The following CNKSR2 variants were observed in gnomAD, a reference collection of about 807,000 sequenced individuals.
The protein encoded by CNKSR2 is CNK homolog protein 2.
Under a neutral mutation model 84.4 loss-of-function variants are expected in CNKSR2, and 14 were observed. That is an observed-to-expected ratio of 0.17 (90% CI 0.11 to 0.26). The LOEUF (loss-of-function observed/expected upper bound fraction) is 0.26, where lower values mean the gene tolerates loss of function less well. Ranked by LOEUF, CNKSR2 falls within the 10% of genes least tolerant of loss-of-function variation. CNKSR2 has a pLI of 1.00. For missense variants in CNKSR2, 485 were observed against 771.2 expected (o/e 0.63, Z 4.40); for synonymous variants, 275 against 277.9 (o/e 0.99, Z 0.10).
At chrX:21,451,064 G>A (rs1187670474) in intron 4 of CNKSR2, among the ~76,000 whole-genome samples, 1 of 111,826 alleles carries the variant, frequency 8.9e-6, no homozygotes, top group Admixed American at 9.5e-5. Context: ...GGCTTTATGA[G>A]TTGCATTTTT....
At chrX:21,526,642 T>TTA (rs1334607165) in intron 9 of CNKSR2, among the ~76,000 whole-genome samples, 2 of 111,210 alleles carry the variant, frequency 1.8e-5, no homozygotes, top group Admixed American at 1.9e-4. Context: ...TTAAGGTGAG[T>TTA]TGGGAGTGAA....
Position 21,505,837 on chromosome X carries a change from A to G in CNKSR2, c.810+4249A>G, listed in dbSNP as rs1042643269. On this transcript the variant is annotated intron_variant, in intron 8 of 21. Transcript: ENST00000379510. Reference sequence around the variant, plus strand: ...GTCATTGAGTGGAATCAATACCATGATATTGTCTAACAGCAGATGTACTTT... The same window carrying G: ...GTCATTGAGTGGAATCAATACCATGGTATTGTCTAACAGCAGATGTACTTT... The G allele has an allele frequency of 4.5e-5, 5 of 111,479 alleles. No homozygotes were observed. In the Admixed American group the frequency reaches 4.8e-4, roughly 11 times the overall value. 9.2% of individuals were successfully genotyped at this position (111,479 alleles called of 1,213,427 possible). A position where few individuals can be genotyped will look rare whatever the true frequency, so the allele number is the denominator to read the frequency against.
At chrX:21,446,703 G>A (rs767231246) in intron 4 of CNKSR2, among the ~76,000 whole-genome samples, 2 of 110,990 alleles carry the variant, frequency 1.8e-5, no homozygotes, top group Non-Finnish European at 1.9e-5. Flanking sequence ...CTGCCAAAGC[G>A]CTTTTAAAGA....
chrX:21,624,484 T>C (rs1480143146), intron 20 of CNKSR2, among the ~76,000 whole-genome samples: 2 of 112,037 alleles, frequency 1.8e-5, no homozygotes, highest in South Asian at 3.7e-4. Flanking sequence ...TAAAAAGAAA[T>C]AGGCTACCTC....
intron 1 of CNKSR2, among the ~76,000 whole-genome samples, chrX:21,410,131 T>C (rs2090324353): frequency 9.1e-6 from 1 of 109,659 alleles, no homozygotes; most frequent in African/African-American, 3.3e-5. Flanking sequence ...TCAAGTCTCT[T>C]TTTGCCTTTG....
chrX:21,577,107 A>G (rs990219088), intron 13 of CNKSR2, among the ~76,000 whole-genome samples: 2 of 111,956 alleles, frequency 1.8e-5, no homozygotes, highest in African/African-American at 6.5e-5. Flanking sequence ...AGAAATTTTT[A>G]TTTCCTCAAT....
At chrX:21,506,111 G>A (rs182373212) in intron 8 of CNKSR2, 1 of 111,160 alleles carries the variant, frequency 9.0e-6, no homozygotes, top group African/African-American at 3.3e-5. Flanking sequence ...AGTGTTTCTG[G>A]TGTACCCCAC....
chrX:21,633,149 G>A (rs2092655690), intron 20 of CNKSR2, among the ~76,000 whole-genome samples: 1 of 110,934 alleles, frequency 9.0e-6, no homozygotes, highest in East Asian at 2.8e-4. Context: ...CCGGAAAATG[G>A]CATCAGTCAA....
At position 21,568,059 on chromosome X, in the gene CNKSR2, G is replaced by A. The variant is rs991105631; in HGVS notation, c.1608+4607G>A. 7.2e-5 allele frequency among the ~76,000 whole-genome samples: 8 copies of A among 111,545 alleles called. No individual in the cohort carries two copies. The South Asian group carries it at 1.5e-3, about 21-fold the overall frequency. On this transcript the variant is annotated intron_variant, in intron 13 of 21. Coordinates refer to ENST00000379510, the MANE Select transcript of CNKSR2 (RefSeq NM_014927.5). ...TCCCAGCACTTTGGGAGGCCAAGGCGGGTGGATTGCCTCAGCTCAGGAGTT... is the reference window on the plus strand; with the variant it reads ...TCCCAGCACTTTGGGAGGCCAAGGCAGGTGGATTGCCTCAGCTCAGGAGTT...
At chrX:21,566,733 T>G (rs770386250) in intron 13 of CNKSR2, among the ~76,000 whole-genome samples, 189 of 111,399 alleles carry the variant, frequency 1.7e-3, no homozygotes, top group Middle Eastern at 0.014. Flanking sequence ...TAAAGGGGTG[T>G]GTGCATGCAT....
rs2092724129 is a variant in CNKSR2, at chrX:21,652,853, TTTAAG to T, written c.*337_*341del. The T allele has an allele frequency of 6.8e-6, 1 of 147,781 alleles. No homozygotes were observed. Among genetic ancestry groups the T allele is most frequent in the Admixed American group, 8.3e-5 (1 of 12,094 alleles). The allele number at this position is 147,781 out of a possible 1,213,427, so 12.2% of individuals were successfully genotyped here. A position where few individuals can be genotyped will look rare whatever the true frequency, so the allele number is the denominator to read the frequency against. On this transcript the variant is annotated 3_prime_UTR_variant, in exon 22 of 22. Coordinates refer to ENST00000379510, the MANE Select transcript of CNKSR2 (RefSeq NM_014927.5). ...TCTATCTATGGTCATCTTTTCTCCC[TTTAAG>T]TTAATTTTATATAAACAAGACTTCA...
At chrX:21,561,242 G>A (rs1446613581) in intron 11 of CNKSR2, among the ~76,000 whole-genome samples, 1 of 108,794 alleles carries the variant, frequency 9.2e-6, no homozygotes, top group Non-Finnish European at 1.9e-5. Context: ...AGCTAACCTA[G>A]GCTATTCATT....
chrX:21,472,219 G>C (rs759364259), intron 5 of CNKSR2, among the ~76,000 whole-genome samples: 1 of 111,680 alleles, frequency 9.0e-6, no homozygotes, highest in Non-Finnish European at 1.9e-5. Flanking sequence ...TTTATTTTCT[G>C]TGAGTGACTG....
chrX:21,411,454 G>A lies in CNKSR2; in HGVS notation c.65-15043G>A, dbSNP rs146687937. ...ACAACCAAAGATGATCCTTTCTGCG[G>A]CAAAAGGCAAACTGGCCACAAGTCA... On this transcript the variant is annotated intron_variant, in intron 1 of 21. Coordinates refer to ENST00000379510, the MANE Select transcript of CNKSR2 (RefSeq NM_014927.5). Among the ~76,000 whole-genome samples, 1,041 of 111,453 alleles carry A rather than the reference G, an allele frequency of 9.3e-3. 11 individuals carry two copies. Among genetic ancestry groups the A allele is most frequent in the African/African-American group, 0.031 (955 of 30,690 alleles).
chrX:21,611,957 C>T (rs962795140), intron 20 of CNKSR2, among the ~76,000 whole-genome samples: 1 of 111,952 alleles, frequency 8.9e-6, no homozygotes, highest in Non-Finnish European at 1.9e-5. Context: ...TTGATTTCTC[C>T]GTGTACTTCA....
Position 21,563,440 on chromosome X carries a change from C to G in CNKSR2, c.1596C>G (p.Thr532=). 5 of 1,195,261 alleles carry G rather than the reference C, an allele frequency of 4.2e-6. No individual in the cohort carries two copies. Among genetic ancestry groups the G allele is most frequent in the Non-Finnish European group, 5.7e-6 (5 of 883,459 alleles). Residue 532 remains threonine (T), a synonymous_variant, in exon 13 of 22, where the codon ACC becomes ACG. Transcript: ENST00000379510. ...TCATGGGCACTCCTGTGCCAGAGAC[C>G]ACACTATACCATGTAAGTAAAATTT... ...QDIMGTPVPE[T]TLYHTFQQSS...
intron 1 of CNKSR2, chrX:21,423,729 T>A (rs2147047373): frequency 8.9e-6 from 1 of 111,811 alleles, no homozygotes; most frequent in African/African-American, 3.2e-5. Flanking sequence ...TTCATTCAAA[T>A]GCCACTTCAG....
At chrX:21,512,088 AC>A (rs1166861423) in intron 8 of CNKSR2, among the ~76,000 whole-genome samples, 2 of 111,948 alleles carry the variant, frequency 1.8e-5, no homozygotes, top group East Asian at 5.6e-4. Flanking sequence ...TTGTATTCAT[AC>A]TACATGGAAG....
Position 21,595,314 on chromosome X carries a change from C to A in CNKSR2, c.1905-10C>A. ...AATTTGTAATAAATGTACTTTGTTTCCTTTTGCAGTGCATTCAAAGCCTGT... is the reference window on the plus strand; with the variant it reads ...AATTTGTAATAAATGTACTTTGTTTACTTTTGCAGTGCATTCAAAGCCTGT... On this transcript the variant is annotated splice_polypyrimidine_tract_variant and intron_variant, in intron 16 of 21. Transcript: ENST00000379510. 2 of 1,157,605 alleles carry A rather than the reference C, an allele frequency of 1.7e-6. No homozygotes were observed. The highest frequency in any genetic ancestry group is 3.8e-5 in the South Asian group (2 of 53,259).
Sources: allele counts gnomAD v4.1 joint callset (sites outside exome capture counted in the v4.1 genomes callset), GRCh38; gene constraint gnomAD v4.1.1; transcripts MANE v1.5; gene names NCBI Gene and HGNC (gene_info 2026-07-23, HGNC 2026-07-21).